Variants in PDIA5 observed in about 807,000 individuals in gnomAD.
PDIA5 encodes the protein protein disulfide isomerase family A member 5.
Under a neutral mutation model 77.6 loss-of-function variants are expected in PDIA5, and 58 were observed. The observed-to-expected ratio is 0.75, with a 90% CI of 0.61 to 0.93. The LOEUF (loss-of-function observed/expected upper bound fraction) is 0.93, where lower values mean the gene tolerates loss of function less well. Ranked by LOEUF, PDIA5 falls within the 40% of genes least tolerant of loss-of-function variation. PDIA5 has a pLI of 0.00. For synonymous variants in PDIA5, 250 were observed against 252.1 expected (o/e 0.99, Z 0.08); for missense variants, 630 against 647.7 (o/e 0.97, Z 0.30).
intron 14 of PDIA5, among the ~76,000 whole-genome samples, chr3:123,151,622 G>GC (rs1935893817): frequency 6.6e-6 from 1 of 152,300 alleles, no homozygotes; most frequent in Non-Finnish European, 1.5e-5. Flanking sequence ...GCAGACATAA[G>GC]CCCCCCGCCA....
rs184702761 is a variant in PDIA5, at chr3:123,128,497, T to G, written c.774-1983T>G. 9.9e-5 allele frequency among the ~76,000 whole-genome samples: 15 copies of G among 152,120 alleles called. No homozygotes were observed. The East Asian group carries it at 2.9e-3, about 29-fold the overall frequency. On this transcript the variant is annotated intron_variant, in intron 10 of 16. Transcript: ENST00000316218. ...AATTACATTCACATAATTCAATTTA[T>G]TTTTTATTTTTTATTTTTTTATTTT...
intron 6 of PDIA5, among the ~76,000 whole-genome samples, chr3:123,110,726 C>T (rs886602737): frequency 6.6e-6 from 1 of 152,158 alleles, no homozygotes; most frequent in South Asian, 2.1e-4. Flanking sequence ...AGGGTGGTCT[C>T]GAATAGATCA....
At chr3:123,161,605 C>T in intron 16 of PDIA5, 150 bp downstream of exon 16, 1 of 850,268 alleles carries the variant, frequency 1.2e-6, no homozygotes, top group East Asian at 2.6e-5. Context: ...CTGGGCCTGG[C>T]TGAGGCTTGA....
At chr3:123,108,799 T>C (rs1934798986) in intron 6 of PDIA5, among the ~76,000 whole-genome samples, 1 of 151,822 alleles carries the variant, frequency 6.6e-6, no homozygotes, top group African/African-American at 2.4e-5. Context: ...GGCAGGAGAA[T>C]TGCTTGAATC....
At chr3:123,101,317 ACAGGTT>A (rs1934586988) in intron 3 of PDIA5, among the ~76,000 whole-genome samples, 1 of 152,186 alleles carries the variant, frequency 6.6e-6, no homozygotes, top group East Asian at 1.9e-4. Context: ...TGCATTTCCA[ACAGGTT>A]CCTGGATGAT....
In PDIA5 at chr3:123,160,222, T is replaced by C. The variant is rs1936126868; in HGVS notation, c.1345-1099T>C. Among the ~76,000 whole-genome samples, 4 of 152,182 alleles carry C rather than the reference T, an allele frequency of 2.6e-5. No homozygotes were observed. The South Asian group carries it at 8.3e-4, about 32-fold the overall frequency. ...TCTGCCCCATCTTCCATAACACCTC[T>C]GTACTGGGTATGGCCATTGAGGACC... On this transcript the variant is annotated intron_variant, in intron 15 of 16. Transcript: ENST00000316218.
intron 9 of PDIA5, 22 bp from the exon 10 acceptor site, chr3:123,124,250 G>A (rs1396234598): frequency 4.4e-6 from 7 of 1,601,106 alleles, no homozygotes; most frequent in East Asian, 4.5e-5. Flanking sequence ...CTGAGCCCAC[G>A]TTGTTTCTCC....
At chr3:123,135,651 T>C (rs748553679) in intron 11 of PDIA5, among the ~76,000 whole-genome samples, 1 of 151,834 alleles carries the variant, frequency 6.6e-6, no homozygotes, top group Non-Finnish European at 1.5e-5. Context: ...CTCAAAGCAA[T>C]ATATAACCTT....
rs1934223710 is a variant in PDIA5 at position 123,089,268 on chromosome 3, A to T, written c.143A>T (p.Asn48Ile). The change falls in exon 2 of 17, where the codon AAT (asparagine) becomes ATT (isoleucine). Residue 48 changes from asparagine (N) to isoleucine (I), a missense_variant. By Grantham distance (149) the Asn-to-Ile change is moderately radical. Transcript: ENST00000316218. ...AAAAAACTGCTCAGAACCCGGAATA[A>T]TGTACTGGTGCTTTACTCCAAATCT... ...DLKKLLRTRN[N>I]VLVLYSKSEV... The T allele has an allele frequency of 1.2e-6, 2 of 1,613,992 alleles. No homozygotes were observed. The highest frequency in any genetic ancestry group is 1.7e-6 in the Non-Finnish European group (2 of 1,179,844).
intron 2 of PDIA5, 32 bp downstream of exon 2, chr3:123,089,326 C>T (rs1184648600): frequency 6.2e-7 from 1 of 1,609,412 alleles, no homozygotes; most frequent in Non-Finnish European, 8.5e-7. Flanking sequence ...TGAGGTCAAC[C>T]ATCGGGGTAG....
intron 15 of PDIA5, among the ~76,000 whole-genome samples, chr3:123,158,936 C>T (rs193039768): frequency 1.7e-4 from 26 of 152,276 alleles, no homozygotes; most frequent in Admixed American, 1.1e-3. Flanking sequence ...TTGGGGAGGA[C>T]GCATTTGTCT....
At chr3:123,080,817 G>A (rs184756595) in intron 1 of PDIA5, among the ~76,000 whole-genome samples, 2 of 152,260 alleles carry the variant, frequency 1.3e-5, no homozygotes, top group African/African-American at 4.8e-5. Flanking sequence ...TTTCACCCAT[G>A]CAGAAGCCTG....
intron 11 of PDIA5, among the ~76,000 whole-genome samples, chr3:123,134,839 CCTGGG>C (rs2107970163): frequency 6.6e-6 from 1 of 152,320 alleles, no homozygotes; most frequent in South Asian, 2.1e-4. Flanking sequence ...GGCCGGGCCT[CCTGGG>C]CAGGACAGGC....
At chr3:123,095,944 TA>T (rs1430735373) in intron 3 of PDIA5, among the ~76,000 whole-genome samples, 1 of 152,088 alleles carries the variant, frequency 6.6e-6, no homozygotes, top group Non-Finnish European at 1.5e-5. Context: ...CTCTCATCCC[TA>T]AATAGCCTGG....
At chr3:123,150,433 C>T (rs1014694517) in intron 14 of PDIA5, 69 bp downstream of exon 14, 55 of 1,481,666 alleles carry the variant, frequency 3.7e-5, no homozygotes, top group Non-Finnish European at 4.8e-5. Flanking sequence ...CAAAAAGACC[C>T]GCACACCCAC....
intron 1 of PDIA5, among the ~76,000 whole-genome samples, chr3:123,080,858 T>C (rs1416957835): frequency 4.7e-5 from 7 of 148,836 alleles, no homozygotes; most frequent in South Asian, 4.2e-4. Context: ...AGAGTATCCC[T>C]CTGTGGTGTC....
chr3:123,146,023 C>T (rs1935762839), intron 12 of PDIA5, 76 bp from the exon 13 acceptor site: 5 of 1,394,946 alleles, frequency 3.6e-6, no homozygotes, highest in Non-Finnish European at 5.0e-6. Flanking sequence ...GTTGTGGGGG[C>T]AGCGTCTGGG....
intron 10 of PDIA5, among the ~76,000 whole-genome samples, chr3:123,127,889 G>A (rs1029903518): frequency 4.6e-5 from 7 of 152,214 alleles, no homozygotes; most frequent in African/African-American, 1.7e-4. Flanking sequence ...CATGTATTGA[G>A]TGTCTGCTGT....
intron 8 of PDIA5, among the ~76,000 whole-genome samples, chr3:123,121,961 A>T (rs1935131264): frequency 6.6e-6 from 1 of 152,208 alleles, no homozygotes; most frequent in Non-Finnish European, 1.5e-5. Context: ...CAGCCACTGC[A>T]TGTTGCTGCT....
Sources: gnomAD v4.1 joint callset for allele counts (sites outside exome capture counted in the v4.1 genomes callset) on GRCh38, gnomAD v4.1.1 for gene constraint, MANE v1.5 for transcripts, NCBI Gene and HGNC (gene_info 2026-07-23, HGNC 2026-07-21) for gene names.